The following GALNTL6 variants were observed in gnomAD, a reference collection of about 807,000 sequenced individuals.
The protein encoded by GALNTL6 is polypeptide N-acetylgalactosaminyltransferase-like 6.
Under a neutral mutation model 73.7 loss-of-function variants are expected in GALNTL6, and 46 were observed. That is an observed-to-expected ratio of 0.62 (90% CI 0.49 to 0.80). GALNTL6 has a LOEUF of 0.80. GALNTL6 is among the 30% of genes least tolerant of loss of function. The pLI, the probability that GALNTL6 is intolerant of heterozygous loss-of-function variation, is 0.00. For missense variants in GALNTL6, 604 were observed against 755.0 expected, an observed-to-expected ratio of 0.80 and a Z score of 2.34; for synonymous variants, 259 against 263.7, an observed-to-expected ratio of 0.98 and a Z score of 0.17.
intron 5 of GALNTL6, among the ~76,000 whole-genome samples, chr4:172,552,469 A>G (rs1209328361): frequency 1.3e-5 from 2 of 152,130 alleles, no homozygotes; most frequent in African/African-American, 2.4e-5. Flanking sequence ...ATAAAAGTCA[A>G]TGCTGAAGGT....
At chr4:172,725,574 A>T (rs983015133) in intron 5 of GALNTL6, among the ~76,000 whole-genome samples, 5 of 152,232 alleles carry the variant, frequency 3.3e-5, no homozygotes, top group African/African-American at 1.2e-4. Flanking sequence ...ACGTTGAGAG[A>T]CTATATTCCT....
intron 7 of GALNTL6, among the ~76,000 whole-genome samples, chr4:172,862,761 G>A (rs1744462132): frequency 6.6e-6 from 1 of 152,160 alleles, no homozygotes; most frequent in Admixed American, 6.6e-5. Flanking sequence ...GCCAGCTTCA[G>A]AAATTTGCAT....
intron 3 of GALNTL6, among the ~76,000 whole-genome samples, chr4:172,295,438 C>T (rs1739634349): frequency 6.8e-6 from 1 of 147,252 alleles, no homozygotes. Context: ...AAAAAAAGTG[C>T]CACAATCAGA....
intron 2 of GALNTL6, among the ~76,000 whole-genome samples, chr4:171,879,681 T>C (rs901388102): frequency 6.6e-6 from 1 of 152,190 alleles, no homozygotes; most frequent in Non-Finnish European, 1.5e-5. Flanking sequence ...AACCCACAAG[T>C]TGTTGAGGTA....
intron 3 of GALNTL6, among the ~76,000 whole-genome samples, chr4:172,279,400 T>C (rs144961777): frequency 6.6e-6 from 1 of 150,570 alleles, no homozygotes. Flanking sequence ...AATGAATAAA[T>C]GACTTCAATA....
chr4:172,715,063 T>C (rs1412530738), intron 5 of GALNTL6, among the ~76,000 whole-genome samples: 2 of 152,100 alleles, frequency 1.3e-5, no homozygotes, highest in African/African-American at 4.8e-5. Context: ...GATCTTCTGG[T>C]TTCAGATTTA....
At chr4:172,639,258 A>C (rs1425786273) in intron 5 of GALNTL6, among the ~76,000 whole-genome samples, 2 of 152,130 alleles carry the variant, frequency 1.3e-5, no homozygotes, top group African/African-American at 4.8e-5. Context: ...CTGGTGATCC[A>C]AAACTCTCAA....
chr4:172,130,270 T>G (rs577447295), intron 2 of GALNTL6, among the ~76,000 whole-genome samples: 4 of 150,256 alleles, frequency 2.7e-5, no homozygotes, highest in Non-Finnish European at 5.9e-5. Flanking sequence ...TGATGTAACA[T>G]AGCATTCAAA....
intron 2 of GALNTL6, among the ~76,000 whole-genome samples, chr4:171,931,113 C>T (rs1738170360): frequency 6.6e-6 from 1 of 152,186 alleles, no homozygotes; most frequent in African/African-American, 2.4e-5. Flanking sequence ...AAGAATTTCT[C>T]CAGTTCTGCC....
chr4:172,638,289 A>C lies in GALNTL6; in HGVS notation c.554-171072A>C, dbSNP rs76014013. 5.6e-3 allele frequency among the ~76,000 whole-genome samples: 848 copies of C among 152,272 alleles called. 4 individuals are homozygous for C. Among genetic ancestry groups the C allele is most frequent in the South Asian group, 0.021 (101 of 4,826 alleles). Reference sequence around the variant, plus strand: ...CAAGAAGCTAGATTGGCAGAGAGTGATCTTAACTGGTTGTGGTCAAAATAG... The same window carrying C: ...CAAGAAGCTAGATTGGCAGAGAGTGCTCTTAACTGGTTGTGGTCAAAATAG... On this transcript the variant is annotated intron_variant, in intron 5 of 12. Coordinates refer to ENST00000506823, the MANE Select transcript of GALNTL6 (RefSeq NM_001034845.3).
At chr4:172,043,236 T>C (rs908489276) in intron 2 of GALNTL6, among the ~76,000 whole-genome samples, 2 of 152,048 alleles carry the variant, frequency 1.3e-5, no homozygotes, top group African/African-American at 4.8e-5. Flanking sequence ...CTCTGAAATG[T>C]AATCTCTTTA....
chr4:172,279,240 C>T (rs920590625), intron 3 of GALNTL6, among the ~76,000 whole-genome samples: 8 of 151,964 alleles, frequency 5.3e-5, no homozygotes, highest in Non-Finnish European at 1.5e-5. Context: ...AAATTATAAA[C>T]TTCTGTGGAT....
chr4:172,645,687 C>A (rs1362430462), intron 5 of GALNTL6, among the ~76,000 whole-genome samples: 1 of 151,822 alleles, frequency 6.6e-6, no homozygotes, highest in Non-Finnish European at 1.5e-5. Context: ...TTTTACATGA[C>A]ATGGAATTCT....
intron 5 of GALNTL6, among the ~76,000 whole-genome samples, chr4:172,488,908 A>G (rs1275048161): frequency 1.3e-5 from 2 of 152,090 alleles, no homozygotes; most frequent in African/African-American, 2.4e-5. Flanking sequence ...ACAAGATTAT[A>G]TGCTTAGGAC....
intron 2 of GALNTL6, among the ~76,000 whole-genome samples, chr4:171,869,408 C>T (rs1003997831): frequency 6.6e-6 from 1 of 152,108 alleles, no homozygotes; most frequent in African/African-American, 2.4e-5. Context: ...TCTTTTGCAG[C>T]TTTTTTGTCT....
chr4:172,072,098 G>A (rs575895871), intron 2 of GALNTL6, among the ~76,000 whole-genome samples: 2 of 152,238 alleles, frequency 1.3e-5, no homozygotes, highest in Non-Finnish European at 2.9e-5. Context: ...GGTTGCTGCA[G>A]ATTGTGGGTC....
intron 2 of GALNTL6, among the ~76,000 whole-genome samples, chr4:172,090,403 T>G (rs184979527): frequency 6.6e-6 from 1 of 152,330 alleles, no homozygotes; most frequent in East Asian, 1.9e-4. Flanking sequence ...CTAACTGGCA[T>G]GAGATAGTGT....
intron 5 of GALNTL6, among the ~76,000 whole-genome samples, chr4:172,401,951 GGGGAGAGAGA>G (rs773776666): frequency 2.0e-5 from 2 of 99,650 alleles, no homozygotes; most frequent in African/African-American, 1.2e-4. Flanking sequence ...AAGGGGGAGG[GGGGAGAGAGA>G]GAGAGAGAGA....
At chr4:172,136,184 C>T (rs781486529) in intron 2 of GALNTL6, among the ~76,000 whole-genome samples, 3 of 152,062 alleles carry the variant, frequency 2.0e-5, no homozygotes, top group African/African-American at 2.4e-5. Context: ...ACAAGCCTCA[C>T]ATTATTGAAG....
Sources: allele counts gnomAD v4.1 joint callset (sites outside exome capture counted in the v4.1 genomes callset), GRCh38; gene constraint gnomAD v4.1.1; transcripts MANE v1.5; gene names NCBI Gene and HGNC (gene_info 2026-07-23, HGNC 2026-07-21).